Variants in NOMO2 observed in about 807,000 individuals in gnomAD.
NOMO2 encodes BOS complex subunit NOMO2.
NOMO2 carries 14 observed loss-of-function variants against 67.1 expected under a neutral mutation model. The ratio of observed to expected loss-of-function variants is 0.21; its 90% CI spans 0.14 to 0.33. NOMO2 has a LOEUF of 0.33. NOMO2 is among the 10% of genes least tolerant of loss of function. The probability of loss-of-function intolerance (pLI) is 1.00; values close to 1 mark genes in which losing one functional copy is unlikely to be tolerated. For synonymous variants in NOMO2, 80 were observed against 305.9 expected (o/e 0.26, Z 7.71); for missense variants, 178 against 761.0 (o/e 0.23, Z 9.01).
At chr16:18,550,593 G>A (rs2434750) in intron 4 of NOMO2, among the ~76,000 whole-genome samples, 21 of 151,974 alleles carry the variant, frequency 1.4e-4, no homozygotes, top group African/African-American at 3.4e-4. Context: ...GGCACAGGGC[G>A]GGTGGAAGAG....
chr16:18,528,409 T>A (rs1442256916), intron 15 of NOMO2, among the ~76,000 whole-genome samples: 1 of 152,030 alleles, frequency 6.6e-6, no homozygotes, highest in Non-Finnish European at 1.5e-5. Context: ...CAAGTTTTTG[T>A]AATTAAGCAG....
At chr16:18,557,137 A>G (rs539010108) in intron 2 of NOMO2, among the ~76,000 whole-genome samples, 74 of 152,122 alleles carry the variant, frequency 4.9e-4, no homozygotes, top group African/African-American at 1.7e-3. Context: ...AAAAGAAGAA[A>G]AAAAAAACAA....
At position 18,533,104 on chromosome 16, in the gene NOMO2, G is replaced by A. The variant is rs1045078150; in HGVS notation, c.1296C>T (p.Val432=). 4 of 1,611,010 alleles carry A rather than the reference G, an allele frequency of 2.5e-6. No individual in the cohort carries two copies. The highest frequency in any genetic ancestry group is 4.5e-5 in the East Asian group (2 of 44,800). ...ACTTGTCCTTGTCTTGAGATGACAG[G>A]ACAACTTTGTATTTATTCATCTGCT... ...TVKQMNKYKV[V]LSSQDKDKSL... is the part of the protein sequence containing the mutation. The change falls in exon 12 of 31, where the codon GTC becomes GTT. Residue 432 remains valine (V), a synonymous_variant. Transcript: ENST00000622306.
chr16:18,544,753 T>C lies in NOMO2; in HGVS notation c.583-984A>G, dbSNP rs1021012790. ...ACTCTGTTTAATTTGCCTTAAGTTG[T>C]TCTTTTCACAATATGTGTATATTTT... On this transcript the variant is annotated intron_variant, in intron 6 of 30. Transcript: ENST00000622306. Among the ~76,000 whole-genome samples, 26 of 151,966 alleles carry C rather than the reference T, an allele frequency of 1.7e-4. 1 individual carries two copies. The highest frequency in any genetic ancestry group is 6.3e-4 in the African/African-American group (26 of 41,382).
At chr16:18,552,486 C>CACAG (rs1901810100) in intron 3 of NOMO2, among the ~76,000 whole-genome samples, 1 of 129,092 alleles carries the variant, frequency 7.7e-6, no homozygotes, top group South Asian at 2.8e-4. Flanking sequence ...CACACACACA[C>CACAG]ACACACACAC....
chr16:18,539,807 G>A (rs938981362), intron 9 of NOMO2, among the ~76,000 whole-genome samples: 6 of 152,072 alleles, frequency 3.9e-5, no homozygotes, highest in Admixed American at 1.3e-4. Flanking sequence ...TGGCTCACAC[G>A]TGGTCCCATG....
chr16:18,545,282 G>C (rs1158256452), intron 6 of NOMO2, among the ~76,000 whole-genome samples: 1 of 148,594 alleles, frequency 6.7e-6, no homozygotes, highest in Non-Finnish European at 1.5e-5. Flanking sequence ...ATTTTTAGTA[G>C]AGATGCGGTT....
intron 11 of NOMO2, among the ~76,000 whole-genome samples, chr16:18,536,786 T>G (rs750447071): frequency 6.6e-6 from 1 of 152,332 alleles, no homozygotes; most frequent in Admixed American, 6.5e-5. Context: ...AAAGTGTTTA[T>G]GGAAGGTGGG....
intron 15 of NOMO2, among the ~76,000 whole-genome samples, chr16:18,528,807 A>G (rs2141717648): frequency 1.3e-5 from 2 of 150,774 alleles, no homozygotes; most frequent in Middle Eastern, 6.9e-3. Context: ...AATACAAAAA[A>G]AAAAGAAAAA....
At position 18,531,687 on chromosome 16, in the gene NOMO2, T is replaced by C; in HGVS notation, c.1396-80A>G. ...GACCTACAGGGCGCTAGAACATTCA[T>C]CTGGGACTAAGGCTAAAGAGATTTT... On this transcript the variant is annotated intron_variant, in intron 12 of 30. Transcript: ENST00000622306. 5.0e-6 allele frequency: 8 copies of C among 1,597,030 alleles called. No homozygotes were observed. The Admixed American group carries it at 1.3e-4, about 25-fold the overall frequency.
intron 16 of NOMO2, among the ~76,000 whole-genome samples, chr16:18,526,385 T>G (rs1901147420): frequency 6.6e-6 from 1 of 152,092 alleles, no homozygotes; most frequent in Non-Finnish European, 1.5e-5. Context: ...AAACATAAAT[T>G]TATTACACAA....
intron 11 of NOMO2, among the ~76,000 whole-genome samples, chr16:18,535,826 T>C (rs569055614): frequency 6.8e-4 from 103 of 151,956 alleles, no homozygotes; most frequent in African/African-American, 2.4e-3. Flanking sequence ...AGACGGAATC[T>C]CACCCTGTCG....
chr16:18,553,994 G>A (rs1239487319), intron 3 of NOMO2, among the ~76,000 whole-genome samples: 31 of 147,964 alleles, frequency 2.1e-4, no homozygotes, highest in African/African-American at 7.2e-4. Context: ...CCATGGACTG[G>A]GGTCACCCAC....
intron 6 of NOMO2, among the ~76,000 whole-genome samples, chr16:18,544,857 AT>A (rs1354488565): frequency 2.0e-5 from 3 of 151,998 alleles, no homozygotes; most frequent in African/African-American, 7.2e-5. Flanking sequence ...CTTGTCACAA[AT>A]TGGGCACTGG....
intron 11 of NOMO2, among the ~76,000 whole-genome samples, chr16:18,536,107 A>G (rs1901416901): frequency 6.6e-6 from 1 of 152,038 alleles, no homozygotes; most frequent in Admixed American, 6.6e-5. Context: ...ACCAACAGAC[A>G]ACTCCTAACG....
intron 2 of NOMO2, among the ~76,000 whole-genome samples, chr16:18,557,117 A>C (rs1901924699): frequency 6.6e-6 from 1 of 151,434 alleles, no homozygotes; most frequent in Non-Finnish European, 1.5e-5. Flanking sequence ...ACAGAGCGAG[A>C]CTCCATCTCA....
At chr16:18,540,182 G>C (rs1901517579) in intron 9 of NOMO2, among the ~76,000 whole-genome samples, 1 of 149,624 alleles carries the variant, frequency 6.7e-6, no homozygotes, top group African/African-American at 2.4e-5. Flanking sequence ...TTTTATGCAG[G>C]GAGCCCTTCT....
intron 3 of NOMO2, among the ~76,000 whole-genome samples, chr16:18,553,997 T>C (rs1324567614): frequency 6.8e-6 from 1 of 147,634 alleles, no homozygotes; most frequent in Non-Finnish European, 1.5e-5. Flanking sequence ...TGGACTGGGG[T>C]CACCCACACC....
At chr16:18,537,216 C>T (rs2141729858) in intron 11 of NOMO2, among the ~76,000 whole-genome samples, 1 of 152,198 alleles carries the variant, frequency 6.6e-6, no homozygotes, top group East Asian at 1.9e-4. Flanking sequence ...AATCTGAACC[C>T]TCATCACCTA....
Sources: allele counts gnomAD v4.1 joint callset (sites outside exome capture counted in the v4.1 genomes callset), GRCh38; gene constraint gnomAD v4.1.1; transcripts MANE v1.5; gene names NCBI Gene and HGNC (gene_info 2026-07-23, HGNC 2026-07-21).